The following ASPH variants were observed in gnomAD, a reference collection of about 807,000 sequenced individuals.
ASPH encodes aspartyl/asparaginyl beta-hydroxylase.
Under a neutral mutation model 118.4 loss-of-function variants are expected in ASPH, and 100 were observed. The ratio of observed to expected loss-of-function variants is 0.84; its 90% CI spans 0.72 to 1.00. The LOEUF (loss-of-function observed/expected upper bound fraction) is 1.00, where lower values mean the gene tolerates loss of function less well. Ranked by LOEUF, ASPH falls within the 50% of genes least tolerant of loss-of-function variation. The pLI is 0.00. For missense variants in ASPH, 920 were observed against 919.5 expected (o/e 1.00, Z -0.01); for synonymous variants, 315 against 325.6 (o/e 0.97, Z 0.35).
intron 18 of ASPH, among the ~76,000 whole-genome samples, chr8:61,557,747 C>A (rs1181083437): frequency 6.6e-6 from 1 of 152,214 alleles, no homozygotes; most frequent in Non-Finnish European, 1.5e-5. Flanking sequence ...CAGATGAGTA[C>A]ATGCTGGGCT....
intron 13 of ASPH, chr8:61,625,418 T>G: frequency 5.1e-6 from 5 of 985,566 alleles, no homozygotes; most frequent in Non-Finnish European, 6.0e-6. Context: ...AAAGGCAGAA[T>G]AATCTTTAAG....
chr8:61,534,940 C>A (rs1323654680), intron 21 of ASPH, among the ~76,000 whole-genome samples: 1 of 152,196 alleles, frequency 6.6e-6, no homozygotes, highest in Non-Finnish European at 1.5e-5. Flanking sequence ...TGGTTTCTTT[C>A]GAGGGCTCTC....
intron 15 of ASPH, chr8:61,578,486 C>T: frequency 2.5e-6 from 4 of 1,592,282 alleles, no homozygotes; most frequent in Non-Finnish European, 2.6e-6. Flanking sequence ...CTGTGTGCAC[C>T]CAGGAGAAGG....
At chr8:61,557,728 C>T (rs1828392761) in intron 18 of ASPH, among the ~76,000 whole-genome samples, 1 of 152,226 alleles carries the variant, frequency 6.6e-6, no homozygotes, top group South Asian at 2.1e-4. Context: ...GAAACCTGTA[C>T]TAAATGCTCA....
chr8:61,629,968 G>A (rs1284427033), intron 13 of ASPH, among the ~76,000 whole-genome samples: 1 of 152,158 alleles, frequency 6.6e-6, no homozygotes, highest in African/African-American at 2.4e-5. Flanking sequence ...TAAAATGGAG[G>A]TAATGGCATA....
intron 5 of ASPH, among the ~76,000 whole-genome samples, chr8:61,647,739 G>T (rs147998310): frequency 4.6e-4 from 70 of 152,184 alleles, no homozygotes; most frequent in African/African-American, 1.7e-3. Flanking sequence ...CTAGGTCACA[G>T]GTTTACCTGA....
At chr8:61,524,599 T>C (rs1814525397) in intron 22 of ASPH, among the ~76,000 whole-genome samples, 1 of 152,188 alleles carries the variant, frequency 6.6e-6, no homozygotes, top group South Asian at 2.1e-4. Flanking sequence ...AGAAGTTAAG[T>C]AGTTCATGGA....
intron 3 of ASPH, among the ~76,000 whole-genome samples, chr8:61,673,418 C>A (rs1476439847): frequency 6.6e-6 from 1 of 152,172 alleles, no homozygotes; most frequent in Non-Finnish European, 1.5e-5. Flanking sequence ...CCGGAGAACC[C>A]AGCGTCTTTG....
At chr8:61,603,297 A>G (rs868183315) in intron 14 of ASPH, among the ~76,000 whole-genome samples, 46 of 150,802 alleles carry the variant, frequency 3.1e-4, no homozygotes, top group Non-Finnish European at 2.5e-4. Flanking sequence ...CATTTCCCTG[A>G]TTGTCTTAAA....
rs75595379 is a variant in ASPH, at chr8:61,528,359, T to C, written c.1765-2247A>G. Among the ~76,000 whole-genome samples, 649 of 152,340 alleles carry C rather than the reference T, an allele frequency of 4.3e-3. 6 individuals are homozygous for C. Among genetic ancestry groups the C allele is most frequent in the African/African-American group, 0.014 (580 of 41,578 alleles). ...TCACATCTTCCCAAATGCACCTCAA[T>C]TGCCAACACTCACTCTGGATATTGT... On this transcript the variant is annotated intron_variant, in intron 21 of 24. Coordinates refer to ENST00000379454, the MANE Select transcript of ASPH (RefSeq NM_004318.4).
At chr8:61,578,640 G>A (rs1050451548) in intron 15 of ASPH, 25 of 1,577,210 alleles carry the variant, frequency 1.6e-5, no homozygotes, top group South Asian at 8.8e-5. Flanking sequence ...CAACATGTTC[G>A]AGAGCTACAT....
At chr8:61,692,202 T>C (rs189038940) in intron 1 of ASPH, among the ~76,000 whole-genome samples, 1 of 152,222 alleles carries the variant, frequency 6.6e-6, no homozygotes, top group Admixed American at 6.5e-5. Context: ...CCTGATATTT[T>C]AGATATGGAG....
intron 14 of ASPH, among the ~76,000 whole-genome samples, chr8:61,589,626 A>G (rs1403044675): frequency 6.6e-6 from 1 of 152,160 alleles, no homozygotes; most frequent in African/African-American, 2.4e-5. Flanking sequence ...CTCTTGAACT[A>G]CATCAAAACA....
chr8:61,668,323 G>A, intron 3 of ASPH: 4 of 1,491,160 alleles, frequency 2.7e-6, no homozygotes, highest in South Asian at 1.2e-5. Flanking sequence ...GAAAATTTAA[G>A]GGAATTCAAA....
At chr8:61,706,382 G>A (rs1265304163) in intron 1 of ASPH, among the ~76,000 whole-genome samples, 4 of 127,378 alleles carry the variant, frequency 3.1e-5, no homozygotes, top group South Asian at 2.7e-4. Context: ...TGCAGCCTGG[G>A]TGAAAGAGCG....
intron 15 of ASPH, chr8:61,579,658 T>A (rs1343173353): frequency 6.8e-7 from 1 of 1,471,756 alleles, no homozygotes; most frequent in South Asian, 1.1e-5. Context: ...TCCTCTGACA[T>A]CCTGCCCAAG....
Position 61,684,073 on chromosome 8 carries a change from A to G in ASPH, c.219T>C (p.Val73=), listed in dbSNP as rs771004310. ...LLGVWTSVAV[V]WFDLVDYEEV... is the part of the protein sequence containing the mutation. The stretch of plus-strand genomic sequence containing the variant: ...CCTCATAGTCAACAAGATCAAACCA[A>G]ACGACAGCTACAGATGTCCAGACGC... The change falls in exon 2 of 25, where the codon GTT becomes GTC. Residue 73 remains valine (V), a synonymous_variant. Coordinates refer to ENST00000379454, the MANE Select transcript of ASPH (RefSeq NM_004318.4). 3 of 1,612,052 alleles carry G rather than the reference A, an allele frequency of 1.9e-6. No individual in the cohort carries two copies. The highest frequency in any genetic ancestry group is 1.7e-6 in the Non-Finnish European group (2 of 1,179,004).
intron 24 of ASPH, among the ~76,000 whole-genome samples, chr8:61,514,046 G>T (rs1410805983): frequency 6.6e-6 from 1 of 152,070 alleles, no homozygotes; most frequent in African/African-American, 2.4e-5. Context: ...TTGGAGTGCA[G>T]TGGCGCAGTC....
At chr8:61,539,529 G>C (rs895560301) in intron 21 of ASPH, among the ~76,000 whole-genome samples, 1 of 152,072 alleles carries the variant, frequency 6.6e-6, no homozygotes, top group African/African-American at 2.4e-5. Flanking sequence ...AGGATCTTGC[G>C]TTACTTCTCC....
Sources: gnomAD v4.1 joint callset for allele counts (sites outside exome capture counted in the v4.1 genomes callset) on GRCh38, gnomAD v4.1.1 for gene constraint, MANE v1.5 for transcripts, NCBI Gene and HGNC (gene_info 2026-07-23, HGNC 2026-07-21) for gene names.